The following ASTN2 variants were observed in gnomAD, a reference collection of about 807,000 sequenced individuals.
The protein encoded by ASTN2 is astrotactin 2.
ASTN2 carries 54 observed loss-of-function variants against 139.8 expected under a neutral mutation model. The ratio of observed to expected loss-of-function variants is 0.39; its 90% confidence interval spans 0.31 to 0.48. The LOEUF (loss-of-function observed/expected upper bound fraction) is 0.48. Ranked by LOEUF, ASTN2 falls within the 20% of genes least tolerant of loss-of-function variation. The probability of loss-of-function intolerance (pLI) is 0.95; values close to 1 mark genes in which losing one functional copy is unlikely to be tolerated. For missense variants in ASTN2, 1,565 were observed against 1,725.1 expected, an observed-to-expected ratio of 0.91 and a Z score of 1.64; for synonymous variants, 756 against 719.5, an observed-to-expected ratio of 1.05 and a Z score of -0.81.
rs559894938 is a variant in ASTN2 at position 117,048,203 on chromosome 9, G to C, written c.1277-8238C>G. Among the ~76,000 whole-genome samples, 5 of 152,276 alleles carry C rather than the reference G, an allele frequency of 3.3e-5. No individual in the cohort carries two copies. The East Asian group carries it at 9.7e-4, about 29-fold the overall frequency. The stretch of plus-strand genomic sequence containing the variant: ...CTGAGCTGCTATCCGACTTTAGCTT[G>C]CCCTGTGGACCTGTGATGACTCTAG... On this transcript the variant is annotated intron_variant, in intron 5 of 22. Coordinates refer to ENST00000313400, the MANE Select transcript of ASTN2 (RefSeq NM_001365068.1).
At chr9:117,149,076 A>G (rs1332217262) in intron 3 of ASTN2, among the ~76,000 whole-genome samples, 11 of 151,622 alleles carry the variant, frequency 7.3e-5, no homozygotes, top group Non-Finnish European at 1.6e-4. Flanking sequence ...CTGGAGTGCA[A>G]TGGCATGATC....
rs567975814 is a variant in ASTN2, at chr9:116,451,437, G to A, written c.3498-8884C>T. ...AGGTGCTGGGCATTCTGCTAAGCAC[G>A]GAAGAAACACCCATAAAAAAAAAAA... On this transcript the variant is annotated intron_variant, in intron 20 of 22. Transcript: ENST00000313400. 2.0e-4 allele frequency among the ~76,000 whole-genome samples: 30 copies of A among 147,310 alleles called. No individual in the cohort carries two copies. The South Asian group carries it at 5.0e-3, about 24-fold the overall frequency.
intron 19 of ASTN2, among the ~76,000 whole-genome samples, chr9:116,593,298 G>A (rs1189512010): frequency 6.6e-6 from 1 of 152,198 alleles, no homozygotes; most frequent in South Asian, 2.1e-4. Context: ...ACTGGGCGTG[G>A]GCCGAAGGCA....
chr9:117,388,049 T>C (rs1218575625), intron 1 of ASTN2, among the ~76,000 whole-genome samples: 2 of 152,114 alleles, frequency 1.3e-5, no homozygotes, highest in African/African-American at 4.8e-5. Flanking sequence ...CCTTCACCCT[T>C]CCCTCAGCCA....
chr9:117,052,433 T>TCAAAAAAAA (rs375714439), intron 5 of ASTN2, among the ~76,000 whole-genome samples: 1 of 125,234 alleles, frequency 8.0e-6, no homozygotes, highest in African/African-American at 3.0e-5. Context: ...AGACTCCATC[T>TCAAAAAAAA]TAAAAAAAAA....
chr9:116,438,938 G>A (rs758269831), intron 22 of ASTN2, among the ~76,000 whole-genome samples: 3 of 152,026 alleles, frequency 2.0e-5, no homozygotes, highest in Admixed American at 6.6e-5. Context: ...CAATAACAGC[G>A]AAACTCCATG....
Position 117,008,114 on chromosome 9 carries a change from C to T in ASTN2, c.1569G>A (p.Glu523=), listed in dbSNP as rs181633090. The T allele has an allele frequency of 2.4e-4, 380 of 1,603,306 alleles. 1 individual carries two copies. The East Asian group carries it at 6.8e-3, about 29-fold the overall frequency. The change falls in exon 7 of 23, where the codon GAG becomes GAA. Residue 523 remains glutamate (E), a synonymous_variant. Transcript: ENST00000313400. The part of the protein sequence containing the change: ...LCGQRTTDAC[E]QLCDPETGEC... Reference sequence around the variant, plus strand: ...CACCGGTTTCTGGGTCGCAGAGCTGCTCACAGGCATCTGTCGTCCTTTGTC... The same window carrying T: ...CACCGGTTTCTGGGTCGCAGAGCTGTTCACAGGCATCTGTCGTCCTTTGTC...
At chr9:117,298,837 G>A (rs934303453) in intron 1 of ASTN2, among the ~76,000 whole-genome samples, 2 of 151,658 alleles carry the variant, frequency 1.3e-5, no homozygotes. Context: ...CTGGTACAGT[G>A]GCTGAACTGA....
At chr9:117,336,338 C>T (rs902877556) in intron 1 of ASTN2, among the ~76,000 whole-genome samples, 1 of 152,108 alleles carries the variant, frequency 6.6e-6, no homozygotes, top group African/African-American at 2.4e-5. Context: ...CTCTTTGTTT[C>T]CTTGACATTC....
intron 13 of ASTN2, among the ~76,000 whole-genome samples, chr9:116,801,624 A>G (rs1044938081): frequency 6.6e-6 from 1 of 150,948 alleles, no homozygotes; most frequent in African/African-American, 2.4e-5. Flanking sequence ...GAAAGAAAGA[A>G]AAAGAAAGAA....
intron 13 of ASTN2, among the ~76,000 whole-genome samples, chr9:116,736,551 G>A (rs1399557679): frequency 6.6e-6 from 1 of 152,110 alleles, no homozygotes; most frequent in Non-Finnish European, 1.5e-5. Flanking sequence ...GCCAAGAGGA[G>A]GACCTTGCTG....
At chr9:116,892,905 A>C (rs1322387778) in intron 10 of ASTN2, among the ~76,000 whole-genome samples, 1 of 152,182 alleles carries the variant, frequency 6.6e-6, no homozygotes, top group East Asian at 1.9e-4. Context: ...CAAATAGTGC[A>C]ATTATTAATT....
intron 3 of ASTN2, among the ~76,000 whole-genome samples, chr9:117,151,098 A>T (rs1478227526): frequency 2.6e-5 from 4 of 152,112 alleles, no homozygotes; most frequent in Non-Finnish European, 4.4e-5. Flanking sequence ...CCTTGGCTCA[A>T]GGGGTCCTCC....
chr9:116,598,110 T>C (rs1854681638), intron 19 of ASTN2, among the ~76,000 whole-genome samples: 1 of 152,132 alleles, frequency 6.6e-6, no homozygotes, highest in South Asian at 2.1e-4. Context: ...GGTAATTGAG[T>C]TCTCCCTGGG....
chr9:117,382,097 T>G (rs971783475), intron 1 of ASTN2, among the ~76,000 whole-genome samples: 1 of 152,136 alleles, frequency 6.6e-6, no homozygotes, highest in Non-Finnish European at 1.5e-5. Context: ...GGGATGCTGA[T>G]GGGGAATTCT....
At chr9:117,105,405 C>T (rs1202800212) in intron 4 of ASTN2, among the ~76,000 whole-genome samples, 1 of 152,098 alleles carries the variant, frequency 6.6e-6, no homozygotes, top group East Asian at 1.9e-4. Flanking sequence ...GCATTTAAGA[C>T]ATCCCACCCC....
chr9:117,357,825 C>T (rs1829584131), intron 1 of ASTN2, among the ~76,000 whole-genome samples: 1 of 152,194 alleles, frequency 6.6e-6, no homozygotes, highest in Admixed American at 6.5e-5. Context: ...GATTTACTTG[C>T]AATAAGGTCC....
intron 1 of ASTN2, among the ~76,000 whole-genome samples, chr9:117,407,660 C>A (rs374735335): frequency 6.6e-6 from 1 of 152,128 alleles, no homozygotes; most frequent in Non-Finnish European, 1.5e-5. Context: ...AAAGGGAGTT[C>A]TTTTGGGGGG....
At position 116,871,257 on chromosome 9, in the gene ASTN2, C is replaced by T. The variant is rs930437661; in HGVS notation, c.1890-7524G>A. 7.9e-5 allele frequency among the ~76,000 whole-genome samples: 12 copies of T among 151,982 alleles called. No homozygotes were observed. The East Asian group carries it at 2.3e-3, about 29-fold the overall frequency. On this transcript the variant is annotated intron_variant, in intron 10 of 22. Transcript: ENST00000313400. ...TGGGCAACAAAGCGAGACTCCGTCT[C>T]AAAATAAATAAATAAATAAAATAAA...
Sources: allele counts gnomAD v4.1 joint callset (sites outside exome capture counted in the v4.1 genomes callset), GRCh38; gene constraint gnomAD v4.1.1; transcripts MANE v1.5; gene names NCBI Gene and HGNC (gene_info 2026-07-23, HGNC 2026-07-21).